The following MYOZ3 variants were observed in gnomAD, a reference collection of about 807,000 sequenced individuals.
MYOZ3 encodes myozenin-3.
Under a neutral mutation model 26.5 loss-of-function variants are expected in MYOZ3, and 19 were observed. That is an observed-to-expected ratio of 0.72 (90% CI 0.50 to 1.05). The LOEUF (loss-of-function observed/expected upper bound fraction) is 1.05, where lower values mean the gene tolerates loss of function less well. Ranked by LOEUF, MYOZ3 falls within the 50% of genes least tolerant of loss-of-function variation. The pLI is 0.00. For synonymous variants in MYOZ3, 135 were observed against 138.8 expected (o/e 0.97, Z 0.19); for missense variants, 322 against 337.1 (o/e 0.96, Z 0.35).
At chr5:150,670,436 T>TG (rs1758883885) in intron 2 of MYOZ3, 48 bp from the exon 3 acceptor site, 1 of 1,534,380 alleles carries the variant, frequency 6.5e-7, no homozygotes, top group Admixed American at 1.9e-5. Context: ...GGGCCTGGAG[T>TG]GTATGGGGGA....
chr5:150,662,634 A>G (rs1758751632), intron 1 of MYOZ3, among the ~76,000 whole-genome samples: 2 of 151,800 alleles, frequency 1.3e-5, no homozygotes, highest in South Asian at 4.2e-4. Context: ...CCTGGCACCT[A>G]CTCTCCCTCT....
At chr5:150,674,216 C>T (rs1344471427) in intron 6 of MYOZ3, among the ~76,000 whole-genome samples, 1 of 152,230 alleles carries the variant, frequency 6.6e-6, no homozygotes, top group East Asian at 1.9e-4. Context: ...CCCTCAGACC[C>T]TGCCTGCCCA....
intron 6 of MYOZ3, among the ~76,000 whole-genome samples, chr5:150,675,970 C>A (rs554965596): frequency 1.3e-5 from 2 of 152,346 alleles, no homozygotes; most frequent in South Asian, 2.1e-4. Context: ...ACCAACTTTG[C>A]CCAGTTACCA....
chr5:150,668,129 C>T (rs1758836737), intron 2 of MYOZ3, among the ~76,000 whole-genome samples: 1 of 152,184 alleles, frequency 6.6e-6, no homozygotes, highest in African/African-American at 2.4e-5. Flanking sequence ...GTTTGAAAAA[C>T]CAGGCCAGTT....
intron 2 of MYOZ3, among the ~76,000 whole-genome samples, chr5:150,669,633 CTTTTTTTTTTTTTTTTTTTTTT>C (rs532402882): frequency 6.3e-5 from 3 of 47,750 alleles, no homozygotes; most frequent in African/African-American, 1.8e-4. Context: ...CCCATATATG[CTTTTTTTTTTTTTTTTTTTTTT>C]TTTTTTTTTT....
Position 150,678,684 on chromosome 5 carries a change from A to C in MYOZ3, c.*1809A>C, listed in dbSNP as rs923277899. ...CACATCTCCGAGCCTCTGTTTCTCC[A>C]AGTGTAAGATGAGGACAAGTATAAA... is the stretch of plus-strand genomic sequence containing the variant. On this transcript the variant is annotated 3_prime_UTR_variant, in exon 7 of 7. Transcript: ENST00000517768. The C allele has an allele frequency of 6.6e-6, 1 of 152,316 alleles. No homozygotes were observed. The highest frequency in any genetic ancestry group is 1.5e-5 in the Non-Finnish European group (1 of 68,068). 9.4% of individuals were successfully genotyped at this position (152,316 alleles called of 1,614,324 possible). A position where few individuals can be genotyped will look rare whatever the true frequency, so the allele number is the denominator to read the frequency against.
Position 150,672,516 on chromosome 5 carries a change from G to A in MYOZ3, c.587+14G>A, listed in dbSNP as rs112070587. 5.7e-5 allele frequency: 89 copies of A among 1,551,450 alleles called. 3 individuals carry two copies. In the African/African-American group the frequency reaches 9.0e-4, roughly 16 times the overall value. On this transcript the variant is annotated intron_variant, in intron 6 of 6. Transcript: ENST00000517768. The stretch of plus-strand genomic sequence containing the variant: ...AAATTTCAACAAGTAAGGCGGGGCG[G>A]GCAGCCCGGGGGACAGACCGGGAGG...
rs1759040196 is a variant in MYOZ3, at chr5:150,677,761, C to CTTTAGGG, written c.*886_*887insTTTAGGG. Reference sequence around the variant, plus strand: ...AAGACATTATAGAGCATGAAGTCACCATAATTTTCCCTAAAGCATGCTTAT... The same window carrying CTTTAGGG: ...AAGACATTATAGAGCATGAAGTCACCTTTAGGGATAATTTTCCCTAAAGCATGCTTAT... On this transcript the variant is annotated 3_prime_UTR_variant, in exon 7 of 7. Transcript: ENST00000517768. 6.6e-6 allele frequency: 1 copy of CTTTAGGG among 152,222 alleles called. No homozygotes were observed. The highest frequency in any genetic ancestry group is 2.1e-4 in the South Asian group (1 of 4,830). 9.4% of individuals were successfully genotyped at this position (152,222 alleles called of 1,614,324 possible).
chr5:150,671,965 G>A, intron 5 of MYOZ3, 57 bp downstream of exon 5: 2 of 1,470,106 alleles, frequency 1.4e-6, no homozygotes, highest in Non-Finnish European at 1.8e-6. Context: ...GCATGGGTGT[G>A]CTCCCCATGG....
At position 150,672,370 on chromosome 5, in the gene MYOZ3, C is replaced by A. The variant is rs1224481367; in HGVS notation, c.455C>A (p.Pro152Gln). 1 of 1,611,986 alleles carries A rather than the reference C, an allele frequency of 6.2e-7. No individual in the cohort carries two copies. Among genetic ancestry groups the A allele is most frequent in the East Asian group, 2.2e-5 (1 of 44,812 alleles). The change falls in exon 6 of 7, where the codon CCA becomes CAA. Residue 152 changes from proline (P) to glutamine (Q), a missense_variant. By Grantham distance (76) the Pro-to-Gln change is moderately conservative (BLOSUM62 -1). Transcript: ENST00000517768. ...GCGGAGCCGCTGAAGGGCGTCCCGCCAGAGAAGTTCAACCACACCGCCATC... is the reference window on the plus strand; with the variant it reads ...GCGGAGCCGCTGAAGGGCGTCCCGCAAGAGAAGTTCAACCACACCGCCATC... The part of the protein sequence containing the change: ...GYAEPLKGVP[P>Q]EKFNHTAISK...
intron 6 of MYOZ3, among the ~76,000 whole-genome samples, chr5:150,673,492 C>G (rs890239541): frequency 8.5e-5 from 13 of 152,176 alleles, no homozygotes; most frequent in Non-Finnish European, 1.6e-4. Flanking sequence ...AGGCGCCCAC[C>G]ACCGTGCCCG....
chr5:150,670,281 C>G, intron 2 of MYOZ3: 1 of 490,982 alleles, frequency 2.0e-6, no homozygotes, highest in East Asian at 3.4e-5. Context: ...CTTCACTGAG[C>G]AACAAACACA....
intron 2 of MYOZ3, among the ~76,000 whole-genome samples, chr5:150,668,612 G>T (rs557793744): frequency 1.3e-5 from 2 of 152,198 alleles, no homozygotes; most frequent in East Asian, 1.9e-4. Context: ...GAATATGAAC[G>T]TATGTGTATC....
At position 150,672,510 on chromosome 5, in the gene MYOZ3, G is replaced by T; in HGVS notation, c.587+8G>T. On this transcript the variant is annotated splice_region_variant and intron_variant, in intron 6 of 6. Transcript: ENST00000517768. ...CTACCGAAATTTCAACAAGTAAGGC[G>T]GGGCGGGCAGCCCGGGGGACAGACC... 3 of 1,554,840 alleles carry T rather than the reference G, an allele frequency of 1.9e-6. No individual in the cohort carries two copies. The highest frequency in any genetic ancestry group is 1.7e-4 in the Middle Eastern group (1 of 5,780).
chr5:150,666,901 G>C (rs1367759109), intron 2 of MYOZ3, among the ~76,000 whole-genome samples: 1 of 151,632 alleles, frequency 6.6e-6, no homozygotes, highest in Non-Finnish European at 1.5e-5. Context: ...CTGAATTACA[G>C]GCACACGCCA....
At chr5:150,672,576 G>A (rs1758938701) in intron 6 of MYOZ3, 74 bp downstream of exon 6, 1 of 1,486,766 alleles carries the variant, frequency 6.7e-7, no homozygotes, top group Non-Finnish European at 9.0e-7. Context: ...GCGGGAGCCT[G>A]CGTTTCCTGA....
intron 1 of MYOZ3, among the ~76,000 whole-genome samples, chr5:150,662,715 T>C (rs1561667539): frequency 1.3e-5 from 2 of 152,168 alleles, no homozygotes; most frequent in East Asian, 1.9e-4. Context: ...CCTAGCAACA[T>C]GAAAATAGAT....
At chr5:150,665,526 T>C (rs907311004) in intron 2 of MYOZ3, among the ~76,000 whole-genome samples, 1 of 152,222 alleles carries the variant, frequency 6.6e-6, no homozygotes, top group African/African-American at 2.4e-5. Context: ...TCTTTGGACA[T>C]ATTTATTCAA....
rs749959393 is a variant in MYOZ3 at position 150,676,543 on chromosome 5, C to CAA, written c.588-145_588-144dup. Among the ~76,000 whole-genome samples, 536 of 57,846 alleles carry CAA rather than the reference C, an allele frequency of 9.3e-3. 16 individuals carry two copies. Among genetic ancestry groups the CAA allele is most frequent in the African/African-American group, 0.027 (489 of 18,350 alleles). The allele number at this position is 57,846 out of a possible 152,430, so 37.9% of individuals were successfully genotyped here. A position where few individuals can be genotyped will look rare whatever the true frequency, so the allele number is the denominator to read the frequency against. Reference sequence around the variant, plus strand: ...TGGGTGACAGAGCGAGACTCTGTCTCAAAAAAAAAAAAAAAAAAAAGATGT... The same window carrying CAA: ...TGGGTGACAGAGCGAGACTCTGTCTCAAAAAAAAAAAAAAAAAAAAAAGATGT... On this transcript the variant is annotated intron_variant, in intron 6 of 6. Transcript: ENST00000517768.
Sources: allele counts gnomAD v4.1 joint callset (sites outside exome capture counted in the v4.1 genomes callset), GRCh38; gene constraint gnomAD v4.1.1; transcripts MANE v1.5; gene names NCBI Gene and HGNC (gene_info 2026-07-23, HGNC 2026-07-21).